Variants in EZR observed in about 807,000 individuals in gnomAD.
The protein encoded by EZR is ezrin.
In EZR, 40 loss-of-function variants were observed where a neutral mutation model predicts 74.8. The ratio of observed to expected loss-of-function variants is 0.53; its 90% CI spans 0.42 to 0.70. EZR has a LOEUF of 0.70. EZR is among the 30% of genes least tolerant of loss of function. The pLI, the probability that EZR is intolerant of heterozygous loss-of-function variation, is 0.00. For missense variants in EZR, 678 were observed against 755.8 expected (o/e 0.90, Z 1.21); for synonymous variants, 341 against 283.3 (o/e 1.20, Z -2.05).
At chr6:158,788,622 G>A (rs375221685) in intron 3 of EZR, 1 of 151,176 alleles carries the variant, frequency 6.6e-6, no homozygotes, top group African/African-American at 2.4e-5. Flanking sequence ...ACTCCAGCCG[G>A]GGCAACAGAG....
intron 10 of EZR, among the ~76,000 whole-genome samples, chr6:158,770,255 TCAGAACA>T (rs957454945): frequency 3.9e-5 from 6 of 152,148 alleles, no homozygotes; most frequent in Non-Finnish European, 7.3e-5. Flanking sequence ...CACACTCCAC[TCAGAACA>T]CAGAACACCC....
intron 7 of EZR, among the ~76,000 whole-genome samples, chr6:158,780,238 T>C (rs951525864): frequency 4.0e-5 from 6 of 151,742 alleles, no homozygotes; most frequent in Non-Finnish European, 8.8e-5. Context: ...AATATGTAGC[T>C]GAGTGTGATA....
chr6:158,794,796 T>A (rs1375607756), intron 2 of EZR, among the ~76,000 whole-genome samples: 2 of 152,206 alleles, frequency 1.3e-5, no homozygotes, highest in Non-Finnish European at 2.9e-5. Flanking sequence ...TAAAAACTTT[T>A]AAAAGTTATG....
chr6:158,783,189 A>G (rs1791477354), intron 7 of EZR, among the ~76,000 whole-genome samples: 1 of 151,796 alleles, frequency 6.6e-6, no homozygotes, highest in Non-Finnish European at 1.5e-5. Context: ...CCTGCGAAGT[A>G]GCTATGGATG....
intron 7 of EZR, among the ~76,000 whole-genome samples, chr6:158,776,804 A>G (rs967501200): frequency 2.6e-5 from 4 of 152,072 alleles, no homozygotes; most frequent in Non-Finnish European, 4.4e-5. Context: ...ATTCCTACCC[A>G]GGTACCTTGA....
chr6:158,811,575 T>C (rs1044592984), intron 2 of EZR, among the ~76,000 whole-genome samples: 2 of 152,194 alleles, frequency 1.3e-5, no homozygotes, highest in Non-Finnish European at 2.9e-5. Flanking sequence ...GAAATCACAT[T>C]ATCAGCCAGG....
chr6:158,767,513 CTT>C lies in EZR; in HGVS notation c.1345-3_1345-2del. 1 of 1,570,780 alleles carries C rather than the reference CTT, an allele frequency of 6.4e-7. No homozygotes were observed. The highest frequency in any genetic ancestry group is 8.6e-7 in the Non-Finnish European group (1 of 1,158,104). ...CCAGGTCATCCTGGGCTTCTTTGGC[CTT>C]TGGAAAGCAAATTAATAAGAGGACT... On this transcript the variant is annotated splice_acceptor_variant and splice_polypyrimidine_tract_variant and intron_variant, in intron 12 of 13. Coordinates refer to ENST00000367075, the MANE Select transcript of EZR (RefSeq NM_001111077.2). LOFTEE classifies it high-confidence loss of function.
At chr6:158,771,473 C>A in intron 8 of EZR, 66 bp from the exon 9 acceptor site, 1 of 1,504,094 alleles carries the variant, frequency 6.6e-7, no homozygotes. Flanking sequence ...CCAAACCATC[C>A]TTCACAAAGG....
chr6:158,814,925 T>C (rs991516210), intron 2 of EZR, among the ~76,000 whole-genome samples: 1 of 152,194 alleles, frequency 6.6e-6, no homozygotes, highest in Non-Finnish European at 1.5e-5. Context: ...TACTGTTTTA[T>C]GAATAAAGTC....
chr6:158,808,115 CA>C (rs1777381648), intron 2 of EZR, among the ~76,000 whole-genome samples: 1 of 152,160 alleles, frequency 6.6e-6, no homozygotes, highest in Non-Finnish European at 1.5e-5. Context: ...GTGTACCTAA[CA>C]TCAATAACTT....
At chr6:158,791,198 G>A (rs922085361) in intron 2 of EZR, among the ~76,000 whole-genome samples, 3 of 152,060 alleles carry the variant, frequency 2.0e-5, no homozygotes, top group Non-Finnish European at 2.9e-5. Flanking sequence ...CAGAAGTATC[G>A]TTTTCCAGAT....
At position 158,807,322 on chromosome 6, in the gene EZR, A is replaced by AC. The variant is rs1438525764; in HGVS notation, c.12+10759_12+10760insG. The stretch of plus-strand genomic sequence containing the variant: ...AGACAGAGACTCCGTCTCAAAAAAA[A>AC]AAAAAAAAAACAAACAAAAAAGACA... On this transcript the variant is annotated intron_variant, in intron 2 of 13. Transcript: ENST00000367075. Among the ~76,000 whole-genome samples, 1,101 of 151,706 alleles carry AC rather than the reference A, an allele frequency of 7.3e-3. 25 individuals carry two copies. The highest frequency in any genetic ancestry group is 6.9e-3 in the Non-Finnish European group (466 of 67,738).
At position 158,795,953 on chromosome 6, in the gene EZR, G is replaced by A. The variant is rs572452571; in HGVS notation, c.13-6582C>T. On this transcript the variant is annotated intron_variant, in intron 2 of 13. Coordinates refer to ENST00000367075, the MANE Select transcript of EZR (RefSeq NM_001111077.2). ...CTACCTGATCTGCAGGTAGAGTTTG[G>A]ACTAGATGGCTTGAGGCCTTTTCCC... Among the ~76,000 whole-genome samples the A allele has an allele frequency of 3.9e-5, 6 of 152,276 alleles. No individual in the cohort carries two copies. The South Asian group carries it at 1.0e-3, about 26-fold the overall frequency.
intron 2 of EZR, among the ~76,000 whole-genome samples, chr6:158,815,057 G>T (rs1777526628): frequency 6.6e-6 from 1 of 152,166 alleles, no homozygotes; most frequent in Non-Finnish European, 1.5e-5. Context: ...CTTTAAGTGT[G>T]TTTGCCCCTT....
In EZR at chr6:158,776,475, C is replaced by CT; in HGVS notation, c.727dup (p.Ser243LysfsTer2). On this transcript the variant is annotated frameshift_variant, in exon 8 of 14. Coordinates refer to ENST00000367075, the MANE Select transcript of EZR (RefSeq NM_001111077.2). LOFTEE classifies it high-confidence loss of function. ...ATTGAAAGAGATGTTCCTGATTTCA[C>CT]TCCAAGGAAAGCCAATCTTTGGGGT... 6.2e-7 allele frequency: 1 copy of CT among 1,613,628 alleles called. No individual in the cohort carries two copies. Among genetic ancestry groups the CT allele is most frequent in the Non-Finnish European group, 8.5e-7 (1 of 1,179,862 alleles).
At chr6:158,814,291 C>A (rs1035621165) in intron 2 of EZR, among the ~76,000 whole-genome samples, 1 of 152,132 alleles carries the variant, frequency 6.6e-6, no homozygotes, top group Non-Finnish European at 1.5e-5. Context: ...CGCCCCCCAG[C>A]CCTCAAGCAA....
At chr6:158,771,511 T>A in intron 8 of EZR, 104 bp from the exon 9 acceptor site, 1 of 1,253,146 alleles carries the variant, frequency 8.0e-7, no homozygotes, top group Non-Finnish European at 1.1e-6. Context: ...AGAACAAATG[T>A]AGCAGAACAG....
intron 8 of EZR, 81 bp from the exon 9 acceptor site, chr6:158,771,488 G>GA: frequency 6.9e-7 from 1 of 1,442,582 alleles, no homozygotes. Context: ...CAAAGGTCCA[G>GA]AACTTTTCTA....
chr6:158,801,528 T>TC (rs1327750265), intron 2 of EZR, among the ~76,000 whole-genome samples: 1 of 152,228 alleles, frequency 6.6e-6, no homozygotes, highest in Non-Finnish European at 1.5e-5. Context: ...CAGTAACATT[T>TC]CAGTGCGCCA....
Sources: allele counts gnomAD v4.1 joint callset (sites outside exome capture counted in the v4.1 genomes callset), GRCh38; gene constraint gnomAD v4.1.1; transcripts MANE v1.5; gene names NCBI Gene and HGNC (gene_info 2026-07-23, HGNC 2026-07-21).